Variants in COL5A1 observed in about 807,000 individuals in gnomAD.
COL5A1 encodes collagen type V alpha 1 chain.
Under a neutral mutation model 263.7 loss-of-function variants are expected in COL5A1, and 16 were observed. The ratio of observed to expected loss-of-function variants is 0.06; its 90% CI spans 0.04 to 0.09. The LOEUF is 0.09. COL5A1 is among the 10% of genes least tolerant of loss of function. COL5A1 has a pLI of 1.00. For missense variants in COL5A1, 2,036 were observed against 2,540.5 expected (o/e 0.80, Z 4.27); for synonymous variants, 1,012 against 1,004.5 (o/e 1.01, Z -0.14).
intron 1 of COL5A1, among the ~76,000 whole-genome samples, chr9:134,685,656 TCATCCATCCAC>T (rs368102484): frequency 0.017 from 2,104 of 126,400 alleles, 44 homozygotes; most frequent in African/African-American, 0.045. Context: ...ATGCATCCAT[TCATCCATCCAC>T]CATCCATCCA....
chr9:134,822,271 G>C (rs1839038588), intron 59 of COL5A1, 121 bp downstream of exon 59: 1 of 853,342 alleles, frequency 1.2e-6, no homozygotes, highest in Non-Finnish European at 1.9e-6. Context: ...TGGAATTGGG[G>C]CCTCCAGGGT....
intron 1 of COL5A1, among the ~76,000 whole-genome samples, chr9:134,667,808 A>G (rs1394783885): frequency 1.3e-5 from 2 of 152,198 alleles, no homozygotes; most frequent in African/African-American, 2.4e-5. Flanking sequence ...CTGTGGAGCA[A>G]TAGGGATCCG....
intron 11 of COL5A1, among the ~76,000 whole-genome samples, chr9:134,747,524 C>T (rs1358347895): frequency 2.9e-5 from 3 of 104,132 alleles, no homozygotes; most frequent in African/African-American, 5.3e-5. Context: ...TTCATATGGA[C>T]GTTCACACAT....
intron 1 of COL5A1, among the ~76,000 whole-genome samples, chr9:134,666,830 T>C (rs138880903): frequency 1.4e-3 from 214 of 152,342 alleles, no homozygotes; most frequent in Non-Finnish European, 2.5e-3. Context: ...CTCAGTTTCT[T>C]CACCTGTGCG....
intron 1 of COL5A1, among the ~76,000 whole-genome samples, chr9:134,666,450 C>T (rs1832360362): frequency 6.6e-6 from 1 of 152,198 alleles, no homozygotes. Flanking sequence ...GAATTCTCTT[C>T]TTGGGGAGGC....
intron 4 of COL5A1, among the ~76,000 whole-genome samples, chr9:134,705,476 C>T (rs896644308): frequency 1.4e-4 from 21 of 152,256 alleles, no homozygotes; most frequent in South Asian, 8.3e-4. Flanking sequence ...CACAGAGCCA[C>T]GTACGGAGGA....
chr9:134,726,663 G>A (rs1221891224), intron 4 of COL5A1, among the ~76,000 whole-genome samples: 1 of 151,920 alleles, frequency 6.6e-6, no homozygotes, highest in East Asian at 1.9e-4. Context: ...TGGGTGGATG[G>A]GAGAATGGAT....
chr9:134,735,493 G>A (rs1835066375), intron 9 of COL5A1, among the ~76,000 whole-genome samples: 1 of 152,122 alleles, frequency 6.6e-6, no homozygotes, highest in Admixed American at 6.6e-5. Flanking sequence ...GCGGGAGCGG[G>A]GCCACAGCTT....
At chr9:134,810,872 C>T (rs1179132924) in intron 44 of COL5A1, among the ~76,000 whole-genome samples, 1 of 151,298 alleles carries the variant, frequency 6.6e-6, no homozygotes, top group Non-Finnish European at 1.5e-5. Flanking sequence ...TGTCCTTCTT[C>T]CAGCCGTGGG....
In COL5A1 at chr9:134,690,892, C is replaced by T; in HGVS notation, c.110-20C>T. ...CCTTTCCTCTCCGTGGCTAACTCTGCTCCTCCTCTGTCATTTCAGCTCAGC... is the reference window on the plus strand; with the variant it reads ...CCTTTCCTCTCCGTGGCTAACTCTGTTCCTCCTCTGTCATTTCAGCTCAGC... On this transcript the variant is annotated intron_variant, in intron 1 of 65. Transcript: ENST00000371817. 1.2e-6 allele frequency: 2 copies of T among 1,613,356 alleles called. No individual in the cohort carries two copies. Among genetic ancestry groups the T allele is most frequent in the Non-Finnish European group, 1.7e-6 (2 of 1,180,026 alleles).
At chr9:134,831,224 G>A (rs944981070) in intron 64 of COL5A1, among the ~76,000 whole-genome samples, 3 of 152,168 alleles carry the variant, frequency 2.0e-5, no homozygotes, top group Non-Finnish European at 2.9e-5. Context: ...GAAGCCCCTC[G>A]TCTCATAACC....
chr9:134,778,054 G>C (rs1837114866), intron 27 of COL5A1, among the ~76,000 whole-genome samples: 1 of 152,216 alleles, frequency 6.6e-6, no homozygotes, highest in Non-Finnish European at 1.5e-5. Flanking sequence ...CTCCTAAAAA[G>C]CCCTTCTTGG....
intron 1 of COL5A1, among the ~76,000 whole-genome samples, chr9:134,688,790 G>A (rs1005093832): frequency 4.6e-5 from 7 of 152,224 alleles, no homozygotes; most frequent in Admixed American, 3.3e-4. Flanking sequence ...AAGCCAAGCT[G>A]TAGAAATGAC....
At chr9:134,839,606 G>A (rs1020586169) in intron 65 of COL5A1, among the ~76,000 whole-genome samples, 3 of 152,206 alleles carry the variant, frequency 2.0e-5, no homozygotes, top group African/African-American at 7.2e-5. Flanking sequence ...CCAGGACAGC[G>A]CCACCTTGCA....
intron 44 of COL5A1, among the ~76,000 whole-genome samples, chr9:134,810,993 A>G (rs1838501186): frequency 6.6e-6 from 1 of 152,170 alleles, no homozygotes; most frequent in Non-Finnish European, 1.5e-5. Context: ...TGCTGGGCGC[A>G]AGGGCTCCAG....
Position 134,700,736 on chromosome 9 carries a change from G to A in COL5A1, c.492-435G>A, listed in dbSNP as rs1035631878. Among the ~76,000 whole-genome samples, 6 of 152,178 alleles carry A rather than the reference G, an allele frequency of 3.9e-5. No individual in the cohort carries two copies. The highest frequency in any genetic ancestry group is 7.3e-5 in the Non-Finnish European group (5 of 68,036). On this transcript the variant is annotated intron_variant, in intron 3 of 65. Transcript: ENST00000371817. The surrounding 1 kb of genome is among the most constrained non-coding windows in gnomAD (Gnocchi z 4.0). Reference sequence around the variant, plus strand: ...CTCTGGCTGCCTGCAGTTTGCCATCGGGGTTCAGAGGGCACGTGACAAGTG... The same window carrying A: ...CTCTGGCTGCCTGCAGTTTGCCATCAGGGTTCAGAGGGCACGTGACAAGTG...
rs369684394 is a variant in COL5A1, at chr9:134,812,675, C to A, written c.3815C>A (p.Pro1272Gln). 8 of 1,592,412 alleles carry A rather than the reference C, an allele frequency of 5.0e-6. No individual in the cohort carries two copies. The Admixed American group carries it at 1.3e-4, about 25-fold the overall frequency. The change falls in exon 48 of 66, where the codon CCA becomes CAA. Residue 1272 changes from proline (P) to glutamine (Q), a missense_variant. Physicochemically the swap from Pro to Gln is moderately conservative, Grantham distance 76. Around this residue, in one of 3 missense-constraint regions of COL5A1, gnomAD observed 1,078 missense variants for 1,521.4 expected, o/e 0.71. Coordinates refer to ENST00000371817, the MANE Select transcript of COL5A1 (RefSeq NM_000093.5). Reference sequence around the variant, plus strand: ...GGTGCTGATGGCCCACAAGGTCCCCCAGGTGGAATAGGAAACCCTGGTGCA... The same window carrying A: ...GGTGCTGATGGCCCACAAGGTCCCCAAGGTGGAATAGGAAACCCTGGTGCA... ...APGADGPQGP[P>Q]GGIGNPGAVG...
intron 6 of COL5A1, among the ~76,000 whole-genome samples, chr9:134,729,176 A>C (rs977908414): frequency 3.3e-5 from 5 of 151,838 alleles, no homozygotes; most frequent in African/African-American, 1.2e-4. Context: ...GAGAGAGGAG[A>C]GCTCAGGGGC....
At chr9:134,732,203 GA>G in intron 9 of COL5A1, 76 bp downstream of exon 9, 1 of 1,525,006 alleles carries the variant, frequency 6.6e-7, no homozygotes, top group Non-Finnish European at 9.1e-7. Context: ...TGTAGGGTGT[GA>G]ACAGGTCCGT....
Sources: gnomAD v4.1 joint callset for allele counts (sites outside exome capture counted in the v4.1 genomes callset) on GRCh38, gnomAD v4.1.1 for gene constraint, gnomAD v4.1.1 regional missense constraint, Gnocchi (gnomAD v3.1) non-coding constraint, MANE v1.5 for transcripts, NCBI Gene and HGNC (gene_info 2026-07-23, HGNC 2026-07-21) for gene names.